SLC25A21: variants seen among roughly 807,000 people sequenced by gnomAD.
SLC25A21 encodes the protein mitochondrial 2-oxodicarboxylate carrier.
Under a neutral mutation model 43.8 loss-of-function variants are expected in SLC25A21, and 47 were observed. The ratio of observed to expected loss-of-function variants is 1.07; its 90% CI spans 0.85 to 1.37. SLC25A21 has a LOEUF of 1.37. Ranked by LOEUF, SLC25A21 falls within the 40% of genes most tolerant of loss-of-function variation. The pLI, the probability that SLC25A21 is intolerant of heterozygous loss-of-function variation, is 0.00. For synonymous variants in SLC25A21, 131 were observed against 121.3 expected (o/e 1.08, Z -0.52); for missense variants, 352 against 350.2 (o/e 1.00, Z -0.04).
intron 3 of SLC25A21, among the ~76,000 whole-genome samples, chr14:36,801,226 G>T (rs1361194157): frequency 6.6e-6 from 1 of 152,084 alleles, no homozygotes; most frequent in African/African-American, 2.4e-5. Flanking sequence ...TCCAACTGCT[G>T]GAGTTTTTCC....
intron 1 of SLC25A21, among the ~76,000 whole-genome samples, chr14:37,108,923 C>G (rs1962967668): frequency 6.6e-6 from 1 of 152,072 alleles, no homozygotes; most frequent in African/African-American, 2.4e-5. Context: ...TCCCCACACT[C>G]TAATTTTTGA....
intron 1 of SLC25A21, among the ~76,000 whole-genome samples, chr14:36,881,595 C>T (rs1264237521): frequency 6.6e-6 from 1 of 152,154 alleles, no homozygotes; most frequent in Non-Finnish European, 1.5e-5. Flanking sequence ...TTTTTTTCTA[C>T]CCATTCCTTT....
chr14:36,923,672 G>A (rs1394678052), intron 1 of SLC25A21, among the ~76,000 whole-genome samples: 1 of 152,138 alleles, frequency 6.6e-6, no homozygotes, highest in Non-Finnish European at 1.5e-5. Flanking sequence ...TGTGAAAAAT[G>A]GAAATACAGT....
chr14:37,009,131 T>C (rs1485232228), intron 1 of SLC25A21, among the ~76,000 whole-genome samples: 3 of 152,310 alleles, frequency 2.0e-5, no homozygotes, highest in South Asian at 4.1e-4. Context: ...ATCAGCTGCC[T>C]AGATTCTATT....
intron 1 of SLC25A21, among the ~76,000 whole-genome samples, chr14:36,904,827 C>T (rs1891491878): frequency 6.6e-6 from 1 of 152,112 alleles, no homozygotes; most frequent in African/African-American, 2.4e-5. Context: ...CACCAGGTCC[C>T]TCCCTGGACA....
intron 1 of SLC25A21, among the ~76,000 whole-genome samples, chr14:36,942,025 G>A (rs772978075): frequency 3.2e-4 from 48 of 151,742 alleles, no homozygotes; most frequent in Non-Finnish European, 5.6e-4. Context: ...GTAAAATTTT[G>A]TTCTTATGAC....
intron 1 of SLC25A21, among the ~76,000 whole-genome samples, chr14:36,929,819 TC>T (rs1410622168): frequency 6.6e-6 from 1 of 152,166 alleles, no homozygotes; most frequent in Non-Finnish European, 1.5e-5. Context: ...TGACAGTCAG[TC>T]TATCCTTTCA....
chr14:36,867,136 C>T (rs1453737461), intron 2 of SLC25A21, among the ~76,000 whole-genome samples: 3 of 152,080 alleles, frequency 2.0e-5, no homozygotes, highest in South Asian at 2.1e-4. Context: ...CACCTCTGCT[C>T]GAGGTACAGC....
At chr14:36,817,056 TTTAA>T (rs1180629518) in intron 2 of SLC25A21, among the ~76,000 whole-genome samples, 2 of 152,162 alleles carry the variant, frequency 1.3e-5, no homozygotes, top group African/African-American at 2.4e-5. Flanking sequence ...CGTAATAAGC[TTTAA>T]TTAAGTTCAT....
intron 1 of SLC25A21, among the ~76,000 whole-genome samples, chr14:36,899,241 A>G (rs2138595138): frequency 6.6e-6 from 1 of 152,274 alleles, no homozygotes; most frequent in African/African-American, 2.4e-5. Context: ...GAAAAAAACT[A>G]AAATTGAGGT....
chr14:37,116,629 CG>C (rs1566892844), intron 1 of SLC25A21, among the ~76,000 whole-genome samples: 2 of 152,066 alleles, frequency 1.3e-5, no homozygotes, highest in African/African-American at 2.4e-5. Context: ...TTAAATTTAT[CG>C]GAACAATATG....
chr14:36,678,725 T>C lies in SLC25A21; in HGVS notation c.*1933A>G. ...TCTTTATCTAAATTAAGAAATCTCT[T>C]GTTATTGTGCTATTTATAATTTTTT... On this transcript the variant is annotated 3_prime_UTR_variant, in exon 10 of 10. Transcript: ENST00000331299. The C allele has an allele frequency of 2.5e-6, 3 of 1,197,458 alleles. No individual in the cohort carries two copies. The highest frequency in any genetic ancestry group is 3.1e-6 in the Non-Finnish European group (3 of 960,890). The allele number at this position is 1,197,458 out of a possible 1,614,324, so 74.2% of individuals were successfully genotyped here.
At chr14:37,000,478 C>T (rs1020305915) in intron 1 of SLC25A21, among the ~76,000 whole-genome samples, 39 of 152,188 alleles carry the variant, frequency 2.6e-4, no homozygotes, top group African/African-American at 8.2e-4. Context: ...GTTCCAGGCT[C>T]AGTGGCCTCC....
intron 1 of SLC25A21, among the ~76,000 whole-genome samples, chr14:37,022,588 A>G (rs528984128): frequency 2.0e-5 from 3 of 152,082 alleles, no homozygotes; most frequent in Non-Finnish European, 4.4e-5. Flanking sequence ...CATCAGTTCA[A>G]TCCTAGATCA....
chr14:36,845,006 C>T (rs895844721), intron 2 of SLC25A21, among the ~76,000 whole-genome samples: 1 of 152,148 alleles, frequency 6.6e-6, no homozygotes, highest in Admixed American at 6.5e-5. Context: ...ACATTTCTTG[C>T]AAACTGATGT....
chr14:36,802,490 A>G (rs947763060), intron 3 of SLC25A21, among the ~76,000 whole-genome samples: 9 of 152,204 alleles, frequency 5.9e-5, no homozygotes, highest in Non-Finnish European at 1.2e-4. Context: ...ACACAATAAA[A>G]TAAGTATGGT....
intron 1 of SLC25A21, among the ~76,000 whole-genome samples, chr14:36,905,092 C>T (rs1349433711): frequency 6.6e-6 from 1 of 151,924 alleles, no homozygotes; most frequent in Non-Finnish European, 1.5e-5. Flanking sequence ...ATTGGTGCTA[C>T]TGGCATTAGA....
At chr14:36,945,833 T>C (rs190263605) in intron 1 of SLC25A21, among the ~76,000 whole-genome samples, 1 of 152,304 alleles carries the variant, frequency 6.6e-6, no homozygotes, top group Non-Finnish European at 1.5e-5. Context: ...TTAATGCCAC[T>C]GAACTATACA....
At chr14:36,775,593 T>A (rs1886791511) in intron 3 of SLC25A21, among the ~76,000 whole-genome samples, 1 of 152,172 alleles carries the variant, frequency 6.6e-6, no homozygotes, top group Non-Finnish European at 1.5e-5. Context: ...AGACTTCGAA[T>A]AATGGGTGGG....
Sources: allele counts gnomAD v4.1 joint callset (sites outside exome capture counted in the v4.1 genomes callset), GRCh38; gene constraint gnomAD v4.1.1; transcripts MANE v1.5; gene names NCBI Gene and HGNC (gene_info 2026-07-23, HGNC 2026-07-21).